The following RARB variants were observed in gnomAD, a reference collection of about 807,000 sequenced individuals.
RARB encodes HBV-activated protein.
In RARB, 17 loss-of-function variants were observed where a neutral mutation model predicts 51.9. That is an observed-to-expected ratio of 0.33 (90% confidence interval 0.22 to 0.49). The LOEUF is 0.49. Among genes scored for constraint, RARB ranks in the 20% least tolerant of loss-of-function variants. The pLI, the probability that RARB is intolerant of heterozygous loss-of-function variation, is 0.99. For missense variants in RARB, 369 were observed against 550.8 expected (o/e 0.67, Z 3.30); for synonymous variants, 215 against 195.4 (o/e 1.10, Z -0.84).
chr3:24,897,743 GCT>G (rs1220019110), intron 2 of RARB, among the ~76,000 whole-genome samples: 1 of 128,070 alleles, frequency 7.8e-6, no homozygotes, highest in Non-Finnish European at 1.6e-5. Context: ...AGAACACAAT[GCT>G]CTGAGGCTTT....
rs116293981 is a variant in RARB, at chr3:25,295,160, A to G, written c.178+120585A>G. ...AAGAGCTCTTAAGTACTTGTGTTCA[A>G]ATCCTGGTTGTGCTTGCTTTGTGAC... On this transcript the variant is annotated intron_variant, in intron 5 of 11. Transcript: ENST00000383772. Among the ~76,000 whole-genome samples the G allele has an allele frequency of 6.3e-3, 959 of 152,282 alleles. 8 individuals are homozygous for G. The highest frequency in any genetic ancestry group is 0.022 in the African/African-American group (922 of 41,566).
chr3:25,419,478 G>T (rs1198990687), intron 5 of RARB, among the ~76,000 whole-genome samples: 1 of 152,166 alleles, frequency 6.6e-6, no homozygotes, highest in Non-Finnish European at 1.5e-5. Context: ...GGAATGAGAG[G>T]AGCCTGACTA....
chr3:25,105,320 G>T lies in RARB; in HGVS notation c.-327-26841G>T, dbSNP rs570476547. Among the ~76,000 whole-genome samples the T allele has an allele frequency of 4.8e-5, 7 of 145,192 alleles. No individual in the cohort carries two copies. In the South Asian group the frequency reaches 1.5e-3, roughly 32 times the overall value. On this transcript the variant is annotated intron_variant, in intron 3 of 11. Transcript: ENST00000383772. ...GACCTACTGTAAAAAGGGCAGGGGA[G>T]AAAGATAGTAAAAAGATAGTAAAAC... is the stretch of plus-strand genomic sequence containing the variant.
chr3:25,503,716 C>T (rs940518600), intron 3 of RARB, among the ~76,000 whole-genome samples: 1 of 152,050 alleles, frequency 6.6e-6, no homozygotes, highest in African/African-American at 2.4e-5. Context: ...GATTGAGAGT[C>T]TAATTGGATA....
chr3:25,467,636 A>G (rs1223534279), intron 2 of RARB, among the ~76,000 whole-genome samples: 1 of 152,238 alleles, frequency 6.6e-6, no homozygotes, highest in Non-Finnish European at 1.5e-5. Context: ...GATTCTATGG[A>G]TGAAGAAATA....
At chr3:25,511,059 A>T (rs955598692) in intron 3 of RARB, among the ~76,000 whole-genome samples, 1 of 152,186 alleles carries the variant, frequency 6.6e-6, no homozygotes, top group African/African-American at 2.4e-5. Context: ...ACAATTGAGC[A>T]TGGCTTTGTT....
intron 5 of RARB, among the ~76,000 whole-genome samples, chr3:25,240,548 T>C (rs1475126860): frequency 6.6e-6 from 1 of 152,180 alleles, no homozygotes; most frequent in African/African-American, 2.4e-5. Context: ...TGAAGCAATG[T>C]TGAATCTTAT....
intron 5 of RARB, among the ~76,000 whole-genome samples, chr3:25,176,635 C>A (rs112885421): frequency 0.011 from 1,617 of 151,806 alleles, 24 homozygotes; most frequent in African/African-American, 0.037. Context: ...ACCTCATGAT[C>A]CAGCCACCTC....
In RARB at chr3:24,849,035, A is replaced by C. The variant is rs376665643; in HGVS notation, c.-458-9639A>C. On this transcript the variant is annotated intron_variant, in intron 1 of 11. Coordinates refer to the RARB transcript ENST00000383772. ...GTTCTGGCTATAGTAGTCCACTGTT[A>C]TCTGCAGGGGATACTTTCCAAGGCC... is the stretch of plus-strand genomic sequence containing the variant. Among the ~76,000 whole-genome samples, 4 of 152,332 alleles carry C rather than the reference A, an allele frequency of 2.6e-5. No homozygotes were observed. In the East Asian group the frequency reaches 7.7e-4, roughly 29 times the overall value.
At chr3:25,398,039 C>T (rs1707163465) in intron 5 of RARB, among the ~76,000 whole-genome samples, 1 of 151,986 alleles carries the variant, frequency 6.6e-6, no homozygotes, top group African/African-American at 2.4e-5. Context: ...GGTGAAATTT[C>T]CCCTAATTTG....
intron 2 of RARB, among the ~76,000 whole-genome samples, chr3:25,055,465 T>C (rs1162913655): frequency 6.6e-6 from 1 of 152,196 alleles, no homozygotes; most frequent in Non-Finnish European, 1.5e-5. Flanking sequence ...ATGGTACATA[T>C]AATTTGCACA....
At chr3:25,258,503 C>T (rs1324478966) in intron 5 of RARB, among the ~76,000 whole-genome samples, 2 of 152,062 alleles carry the variant, frequency 1.3e-5, no homozygotes, top group Admixed American at 6.6e-5. Context: ...TTAGTCAACA[C>T]CTTGAAATTC....
At chr3:25,117,572 A>G (rs920125597) in intron 3 of RARB, among the ~76,000 whole-genome samples, 2 of 152,126 alleles carry the variant, frequency 1.3e-5, no homozygotes, top group Admixed American at 1.3e-4. Context: ...AATAGGATGG[A>G]TAGGGGATGG....
intron 2 of RARB, among the ~76,000 whole-genome samples, chr3:24,929,443 G>A (rs898446361): frequency 6.6e-6 from 1 of 152,112 alleles, no homozygotes; most frequent in Non-Finnish European, 1.5e-5. Context: ...AATGTTCTGA[G>A]CTGTAGTTTA....
At chr3:25,349,510 C>G (rs1405255544) in intron 5 of RARB, among the ~76,000 whole-genome samples, 1 of 152,116 alleles carries the variant, frequency 6.6e-6, no homozygotes, top group Non-Finnish European at 1.5e-5. Flanking sequence ...AATAGGTCAG[C>G]AGAAACATAT....
intron 5 of RARB, among the ~76,000 whole-genome samples, chr3:25,404,190 C>T (rs928162639): frequency 6.6e-6 from 1 of 152,104 alleles, no homozygotes; most frequent in African/African-American, 2.4e-5. Flanking sequence ...TTTCAGTGCT[C>T]TTTGTTACTT....
exon 5 of RARB, chr3:25,174,427 C>A (rs1309910543): frequency 4.4e-6 from 6 of 1,352,148 alleles, no homozygotes; most frequent in Non-Finnish European, 5.9e-6. Flanking sequence ...CATGTCCGGT[C>A]CCAGCAGTGA....
At chr3:25,460,202 A>T (rs960090972) in intron 1 of RARB, among the ~76,000 whole-genome samples, 18 of 152,176 alleles carry the variant, frequency 1.2e-4, no homozygotes, top group Admixed American at 1.1e-3. Context: ...GCAGATTCAG[A>T]TTCCACAGGC....
At chr3:25,595,587 TGACTA>T (rs1469541658) in intron 7 of RARB, among the ~76,000 whole-genome samples, 9 of 152,344 alleles carry the variant, frequency 5.9e-5, no homozygotes, top group East Asian at 3.9e-4. Context: ...TCTGTATAGA[TGACTA>T]GACTAGTGAT....
Sources: gnomAD v4.1 joint callset for allele counts (sites outside exome capture counted in the v4.1 genomes callset) on GRCh38, gnomAD v4.1.1 for gene constraint, MANE v1.5 for transcripts, NCBI Gene and HGNC (gene_info 2026-07-23, HGNC 2026-07-21) for gene names.